PRLR: variants seen among roughly 807,000 people sequenced by gnomAD.
The protein encoded by PRLR is prolactin receptor.
A neutral mutation model predicts 40.2 loss-of-function variants in PRLR; 13 were observed. That is an observed-to-expected ratio of 0.32 (90% CI 0.21 to 0.51). The LOEUF is 0.51. PRLR is among the 20% of genes least tolerant of loss of function. PRLR has a pLI of 0.97. For synonymous variants in PRLR, 269 were observed against 278.7 expected (o/e 0.97, Z 0.35); for missense variants, 656 against 747.3 (o/e 0.88, Z 1.42).
At chr5:35,093,698 T>C (rs946361581) in intron 2 of PRLR, among the ~76,000 whole-genome samples, 1 of 152,226 alleles carries the variant, frequency 6.6e-6, no homozygotes, top group Non-Finnish European at 1.5e-5. Flanking sequence ...CTATCATACA[T>C]ATGACATGCA....
At chr5:35,196,290 T>C (rs1207337169) in intron 1 of PRLR, among the ~76,000 whole-genome samples, 1 of 151,832 alleles carries the variant, frequency 6.6e-6, no homozygotes, top group Non-Finnish European at 1.5e-5. Context: ...AGGTGACAAA[T>C]GTATATGGTA....
At chr5:35,176,468 C>A (rs980395950) in intron 1 of PRLR, among the ~76,000 whole-genome samples, 6 of 152,154 alleles carry the variant, frequency 3.9e-5, no homozygotes, top group Non-Finnish European at 7.4e-5. Context: ...TTGTTCTGTA[C>A]TAAGAAAAAT....
At chr5:35,142,749 C>A (rs1774060836) in intron 1 of PRLR, among the ~76,000 whole-genome samples, 1 of 152,220 alleles carries the variant, frequency 6.6e-6, no homozygotes, top group Non-Finnish European at 1.5e-5. Context: ...AGCGGCAGAT[C>A]TATTATGGTG....
At chr5:35,104,080 C>T (rs544080990) in intron 2 of PRLR, among the ~76,000 whole-genome samples, 1 of 152,134 alleles carries the variant, frequency 6.6e-6, no homozygotes, top group South Asian at 2.1e-4. Context: ...AAGAGGGGTT[C>T]CCTGCTTAGC....
At chr5:35,052,710 A>T (rs1251029399), downstream of PRLR, among the ~76,000 whole-genome samples, 1 of 152,244 alleles carries the variant, frequency 6.6e-6, no homozygotes, top group Non-Finnish European at 1.5e-5. Context: ...ACTGTAGGTC[A>T]TAAGACCCCC....
chr5:35,072,791 T>C, intron 5 of PRLR, 47 bp from the exon 6 acceptor site: 1 of 1,589,362 alleles, frequency 6.3e-7, no homozygotes, highest in Non-Finnish European at 8.5e-7. Context: ...CTTGCACCTT[T>C]TCTTTGGCTT....
chr5:35,179,595 T>C (rs1488079610), intron 1 of PRLR, among the ~76,000 whole-genome samples: 1 of 152,214 alleles, frequency 6.6e-6, no homozygotes, highest in East Asian at 1.9e-4. Context: ...CCTCTCTATG[T>C]TCCTCATACA....
chr5:35,200,724 T>G (rs1382987037), intron 1 of PRLR, among the ~76,000 whole-genome samples: 1 of 152,156 alleles, frequency 6.6e-6, no homozygotes, highest in Non-Finnish European at 1.5e-5. Flanking sequence ...TATATAGGGC[T>G]TTCCAGGTCA....
chr5:35,105,204 C>G (rs1772155621), intron 2 of PRLR, among the ~76,000 whole-genome samples: 1 of 152,156 alleles, frequency 6.6e-6, no homozygotes, highest in Non-Finnish European at 1.5e-5. Context: ...ACATTCACAC[C>G]AAAACCGCAT....
At chr5:35,092,680 G>A (rs192562133) in intron 2 of PRLR, among the ~76,000 whole-genome samples, 2 of 152,284 alleles carry the variant, frequency 1.3e-5, no homozygotes, top group East Asian at 1.9e-4. Flanking sequence ...TTTTTAAGAT[G>A]TTATAGCAGC....
intron 1 of PRLR, among the ~76,000 whole-genome samples, chr5:35,229,131 A>AT (rs1776627431): frequency 6.8e-6 from 1 of 147,366 alleles, no homozygotes; most frequent in Non-Finnish European, 1.5e-5. Context: ...ATATTTCTAT[A>AT]ATATATATAT....
intron 1 of PRLR, among the ~76,000 whole-genome samples, chr5:35,128,140 G>A (rs73767522): frequency 0.075 from 11,310 of 151,606 alleles, 1,440 homozygotes; most frequent in African/African-American, 0.26. Context: ...TGAGTTTGTT[G>A]GGATCTAACC....
chr5:35,211,847 G>T (rs1227425384), intron 1 of PRLR, among the ~76,000 whole-genome samples: 1 of 152,098 alleles, frequency 6.6e-6, no homozygotes, highest in Non-Finnish European at 1.5e-5. Context: ...ATATTAATAG[G>T]TTAAACAGAT....
chr5:35,204,457 A>T (rs1466220392), intron 1 of PRLR, among the ~76,000 whole-genome samples: 1 of 152,052 alleles, frequency 6.6e-6, no homozygotes, highest in Non-Finnish European at 1.5e-5. Context: ...TACTTACAGG[A>T]TGCCTTAAGA....
At position 35,065,385 on chromosome 5, in the gene PRLR, G is replaced by T. The variant is rs1399818426; in HGVS notation, c.1573C>A (p.Pro525Thr). Residue 525 changes from proline to threonine, a missense_variant, in exon 10 of 10, where the codon CCA becomes ACA. By Grantham distance (38) the Pro-to-Thr change is conservative. Transcript: ENST00000618457. ...VNKDGALSLL[P>T]KQRENSGKPK... ...TTGCCGCTGTTCTCTCTCTGTTTTG[G>T]TAGCAATGATAATGCACCATCTTTG... is the stretch of plus-strand genomic sequence containing the variant. 2 of 1,614,118 alleles carry T rather than the reference G, an allele frequency of 1.2e-6. No individual in the cohort carries two copies. Among genetic ancestry groups the T allele is most frequent in the Non-Finnish European group, 1.7e-6 (2 of 1,180,004 alleles).
intron 1 of PRLR, among the ~76,000 whole-genome samples, chr5:35,220,395 C>T (rs748500057): frequency 3.9e-5 from 6 of 152,146 alleles, no homozygotes; most frequent in Non-Finnish European, 7.4e-5. Flanking sequence ...TGCCAGCTCT[C>T]GGCATGCTTT....
At chr5:35,194,998 G>C (rs1158960220) in intron 1 of PRLR, 1 of 152,132 alleles carries the variant, frequency 6.6e-6, no homozygotes, top group Non-Finnish European at 1.5e-5. Flanking sequence ...ACTCTGTGGG[G>C]GAAAACGGGT....
intron 1 of PRLR, among the ~76,000 whole-genome samples, chr5:35,187,349 C>T (rs200422735): frequency 2.5e-4 from 37 of 150,568 alleles, no homozygotes; most frequent in South Asian, 6.3e-4. Flanking sequence ...TGTAGTGAGC[C>T]GAGATCACGC....
At chr5:35,145,753 C>T (rs998618497) in intron 1 of PRLR, among the ~76,000 whole-genome samples, 1 of 152,182 alleles carries the variant, frequency 6.6e-6, no homozygotes, top group Non-Finnish European at 1.5e-5. Flanking sequence ...AATGAAAGAA[C>T]AACTAAGAGC....
Sources: allele counts gnomAD v4.1 joint callset (sites outside exome capture counted in the v4.1 genomes callset), GRCh38; gene constraint gnomAD v4.1.1; transcripts MANE v1.5; gene names NCBI Gene and HGNC (gene_info 2026-07-23, HGNC 2026-07-21).